The following CNTRL variants were observed in gnomAD, a reference collection of about 807,000 sequenced individuals.
The protein encoded by CNTRL is centriolin, also known as 110 kDa centrosomal protein.
In CNTRL, 233 loss-of-function variants were observed where a neutral mutation model predicts 303.7. That is an observed-to-expected ratio of 0.77 (90% CI 0.69 to 0.86). CNTRL has a LOEUF of 0.86. Ranked by LOEUF, CNTRL falls within the 40% of genes least tolerant of loss-of-function variation. The pLI is 0.00. For synonymous variants in CNTRL, 900 were observed against 922.2 expected, an observed-to-expected ratio of 0.98 and a Z score of 0.44; for missense variants, 2,524 against 2,650.6, an observed-to-expected ratio of 0.95 and a Z score of 1.05.
rs2131694409 is a variant in CNTRL, at chr9:121,158,266, C to G, written c.4764+157C>G. On this transcript the variant is annotated intron_variant, in intron 30 of 43. Transcript: ENST00000373855. ...ATTTGAATCCCAACTCAATACAATA[C>G]TTCTGAATAAAAAAAGTGGGTCTCA... 2.0e-5 allele frequency among the ~76,000 whole-genome samples: 3 copies of G among 152,270 alleles called. No individual in the cohort carries two copies. The South Asian group carries it at 6.2e-4, about 32-fold the overall frequency.
In CNTRL at chr9:121,175,224, G is replaced by A. The variant is rs201359624; in HGVS notation, c.6954G>A (p.Gln2318=). ...AGGACTCTCAACTTGGACAAAATCA[G>A]GTAAGCAGCAGCTCTTTTTAAAAAC... ...LTEDSQLGQN[Q]EKNASAR Residue 2318 remains glutamine, a splice_region_variant and synonymous_variant, in exon 43 of 44, where the codon CAG becomes CAA. Transcript: ENST00000373855. 1 of 1,613,712 alleles carries A rather than the reference G, an allele frequency of 6.2e-7. No individual in the cohort carries two copies.
In CNTRL at chr9:121,144,933, A is replaced by T. The variant is rs2051750296; in HGVS notation, c.3142A>T (p.Asn1048Tyr). ...RAEAEIELLQ[N>Y]LLRQKGEQFR... ...AGAAGCTGAGATCGAACTCCTGCAG[A>T]ATCTCCTCAGGCAGAAGGGGGAGCA... Residue 1048 changes from asparagine (N) to tyrosine (Y), a missense_variant, in exon 21 of 44, where the codon AAT becomes TAT. Transcript: ENST00000373855. 7.4e-6 allele frequency: 12 copies of T among 1,613,550 alleles called. No homozygotes were observed. The highest frequency in any genetic ancestry group is 1.3e-5 in the African/African-American group (1 of 75,018).
chr9:121,119,837 G>A (rs1283110220), intron 12 of CNTRL, among the ~76,000 whole-genome samples: 1 of 152,124 alleles, frequency 6.6e-6, no homozygotes, highest in African/African-American at 2.4e-5. Flanking sequence ...GGGGTTGCGA[G>A]TCCTTTTTCT....
rs774666482 is a variant in CNTRL, at chr9:121,150,274, G to A, written c.3754G>A (p.Asp1252Asn). ...PGYMMYTVLP[D>N]GSPVPQGMAL... ...ATACATGATGTATACTGTGCTTCCT[G>A]ATGGTTCTCCTGTACCCCAGGGCAT... is the stretch of plus-strand genomic sequence containing the variant. Residue 1252 changes from aspartate to asparagine, a missense_variant, in exon 25 of 44, where the codon GAT (aspartate) becomes AAT (asparagine). Asp to Asn is a conservative substitution (Grantham distance 23). Transcript: ENST00000373855. 1.2e-6 allele frequency: 2 copies of A among 1,614,048 alleles called. No homozygotes were observed. Among genetic ancestry groups the A allele is most frequent in the Non-Finnish European group, 1.7e-6 (2 of 1,180,032 alleles).
chr9:121,123,920 TTTTAA>T lies in CNTRL; in HGVS notation c.1651-8_1651-4del. ...AACTTGGAGTTTTGTTGATTTTTTT[TTTTAA>T]TTCAGTCCCATATGAAGGCTCAAAA... On this transcript the variant is annotated splice_polypyrimidine_tract_variant and splice_region_variant and intron_variant, in intron 12 of 43. Transcript: ENST00000373855. 1 of 1,549,078 alleles carries T rather than the reference TTTTAA, an allele frequency of 6.5e-7. No individual in the cohort carries two copies. The highest frequency in any genetic ancestry group is 8.7e-7 in the Non-Finnish European group (1 of 1,153,766).
At position 121,092,593 on chromosome 9, in the gene CNTRL, T is replaced by TATAG. The variant is rs1251909384; in HGVS notation, c.348+2191_348+2192insGATA. Among the ~76,000 whole-genome samples, 5 of 8,698 alleles carry TATAG rather than the reference T, an allele frequency of 5.7e-4. No individual in the cohort carries two copies. In the East Asian group the frequency reaches 0.056, roughly 97 times the overall value. 5.7% of individuals were successfully genotyped at this position (8,698 alleles called of 152,430 possible). On this transcript the variant is annotated intron_variant, in intron 4 of 43. Coordinates refer to ENST00000373855, the MANE Select transcript of CNTRL (RefSeq NM_007018.6). ...TATCTATATATATAATATATATCTATATATATAATATATATCTATATATAT... is the reference window on the plus strand; with the variant it reads ...TATCTATATATATAATATATATCTATATAGATATATAATATATATCTATATATAT...
chr9:121,088,669 CAG>C, intron 3 of CNTRL, 126 bp downstream of exon 3: 1 of 629,914 alleles, frequency 1.6e-6, no homozygotes, highest in African/African-American at 1.8e-5. Flanking sequence ...TTTTTATTAA[CAG>C]AAATTAAGGA....
rs1479677092 is a variant in CNTRL, at chr9:121,154,727, C to G, written c.4179C>G (p.Phe1393Leu). 1 of 1,591,454 alleles carries G rather than the reference C, an allele frequency of 6.3e-7. No homozygotes were observed. Among genetic ancestry groups the G allele is most frequent in the East Asian group, 2.2e-5 (1 of 44,682 alleles). Residue 1393 changes from phenylalanine (F) to leucine (L), a missense_variant, in exon 27 of 44, where the codon TTC becomes TTG. Phe to Leu is a conservative substitution (Grantham distance 22). Transcript: ENST00000373855. ...TGTATATATTATTTTTTAGGGACTT[C>G]ATTGATGGAAATGTTGAGAGTCTTA... ...TVQKRQQQKD[F>L]IDGNVESLMT...
Position 121,076,594 on chromosome 9 carries a change from G to C in CNTRL, c.-205+1527G>C, listed in dbSNP as rs145404715. Among the ~76,000 whole-genome samples, 186 of 152,224 alleles carry C rather than the reference G, an allele frequency of 1.2e-3. 1 individual carries two copies. Among genetic ancestry groups the C allele is most frequent in the Admixed American group, 3.8e-3 (58 of 15,282 alleles). ...GTCTGGATGGATAGAGAAATGTTGA[G>C]TCTGGGCACAGGAAAGAACCATAGA... On this transcript the variant is annotated intron_variant, in intron 1 of 43. Coordinates refer to ENST00000373855, the MANE Select transcript of CNTRL (RefSeq NM_007018.6).
rs553333718 is a variant in CNTRL, at chr9:121,159,014, A to G, written c.4924A>G (p.Ile1642Val). Residue 1642 changes from isoleucine (I) to valine (V), a missense_variant, in exon 31 of 44, where the codon ATT becomes GTT. Coordinates refer to ENST00000373855, the MANE Select transcript of CNTRL (RefSeq NM_007018.6). ...ETEVTEKCNH[I>V]REVKSLLEEL... ...TGAAGTAACTGAGAAGTGCAATCAC[A>G]TTAGGGTGTGTTTTTTATTAGGGTT... The G allele has an allele frequency of 4.3e-6, 7 of 1,613,646 alleles. No homozygotes were observed. The highest frequency in any genetic ancestry group is 2.7e-5 in the African/African-American group (2 of 74,996).
At position 121,114,955 on chromosome 9, in the gene CNTRL, AT is replaced by A. The variant is rs986116088; in HGVS notation, c.1346-129del. On this transcript the variant is annotated intron_variant, in intron 10 of 43. Transcript: ENST00000373855. ...AGCGATCATAAGTAATTACTTTAAA[AT>A]TTTTTTGTGAGATATAATGACAGTT... 27 of 537,842 alleles carry A rather than the reference AT, an allele frequency of 5.0e-5. No individual in the cohort carries two copies. The East Asian group carries it at 6.5e-4, about 13-fold the overall frequency. The allele number at this position is 537,842 out of a possible 1,614,324, so 33.3% of individuals were successfully genotyped here. A position where few individuals can be genotyped will look rare whatever the true frequency, so the allele number is the denominator to read the frequency against.
chr9:121,090,280 G>A lies in CNTRL; in HGVS notation c.223G>A (p.Asp75Asn), dbSNP rs1205716898. 6.3e-7 allele frequency: 1 copy of A among 1,596,954 alleles called. No individual in the cohort carries two copies. The highest frequency in any genetic ancestry group is 1.8e-5 in the Admixed American group (1 of 57,126). ...LLDYQDHKGA[D>N]SHAGVRYITE... ...ATCTGTTTCTATAATTTCAGGAGCT[G>A]ATTCACATGCAGGAGTTAGATATAT... The change falls in exon 4 of 44, where the codon GAT becomes AAT. Residue 75 changes from aspartate (D) to asparagine (N), a missense_variant. Transcript: ENST00000373855.
intron 8 of CNTRL, chr9:121,111,367 A>G (rs1477035611): frequency 6.6e-6 from 1 of 152,168 alleles, no homozygotes; most frequent in African/African-American, 2.4e-5. Flanking sequence ...GCTTAGCACA[A>G]TGTCTGGCAC....
chr9:121,118,500 A>G lies in CNTRL; in HGVS notation c.1610A>G (p.Gln537Arg). The change falls in exon 12 of 44, where the codon CAA becomes CGA. Residue 537 changes from glutamine to arginine, a missense_variant. Gln to Arg is a conservative substitution (Grantham distance 43). Transcript: ENST00000373855. ...AAGCAGAAGGAGATTAAGGACCTGC[A>G]AATAGCCATAGATAGCCTGGATTCC... The part of the protein sequence containing the change: ...AGKQKEIKDL[Q>R]IAIDSLDSKD... 6.2e-7 allele frequency: 1 copy of G among 1,608,600 alleles called. No homozygotes were observed. Among genetic ancestry groups the G allele is most frequent in the Non-Finnish European group, 8.5e-7 (1 of 1,176,654 alleles).
At position 121,152,532 on chromosome 9, in the gene CNTRL, A is replaced by C. The variant is rs780557300; in HGVS notation, c.4011A>C (p.Ser1337=). ...RLEDIMQHLK[S]KKREERWMRA... ...AAGACATAATGCAGCATTTAAAATCAAAGAAGCGGGAAGAAAGGTGGATGA... is the reference window on the plus strand; with the variant it reads ...AAGACATAATGCAGCATTTAAAATCCAAGAAGCGGGAAGAAAGGTGGATGA... The change falls in exon 26 of 44, where the codon TCA becomes TCC. Residue 1337 remains serine, a synonymous_variant. Transcript: ENST00000373855. The C allele has an allele frequency of 6.2e-7, 1 of 1,614,102 alleles. No individual in the cohort carries two copies. Among genetic ancestry groups the C allele is most frequent in the Admixed American group, 1.7e-5 (1 of 60,016 alleles).
chr9:121,090,898 C>T (rs182802450), intron 4 of CNTRL, among the ~76,000 whole-genome samples: 12 of 152,312 alleles, frequency 7.9e-5, no homozygotes, highest in African/African-American at 2.2e-4. Flanking sequence ...TACAGTTTCA[C>T]GTGGCTGGGG....
In CNTRL at chr9:121,161,989, T is replaced by C. The variant is rs2052874740; in HGVS notation, c.5205+18T>C. The C allele has an allele frequency of 6.2e-7, 1 of 1,612,982 alleles. No homozygotes were observed. Among genetic ancestry groups the C allele is most frequent in the African/African-American group, 1.3e-5 (1 of 75,018 alleles). On this transcript the variant is annotated intron_variant, in intron 33 of 43. Transcript: ENST00000373855. ...TGCTAGAGGTAATGAACAAAGCCAG[T>C]GTACCCTTAAGAAACTGAAGTCTTT... is the stretch of plus-strand genomic sequence containing the variant.
At chr9:121,134,289 T>A (rs1564251739) in intron 14 of CNTRL, among the ~76,000 whole-genome samples, 8 of 102,100 alleles carry the variant, frequency 7.8e-5, no homozygotes. Flanking sequence ...CTAATATCAT[T>A]ATTATTTTTT....
rs2048511791 is a variant in CNTRL, at chr9:121,090,346, T to A, written c.289T>A (p.Leu97Met). The A allele has an allele frequency of 6.2e-7, 1 of 1,613,060 alleles. No individual in the cohort carries two copies. The change falls in exon 4 of 44, where the codon TTG becomes ATG. Residue 97 changes from leucine (L) to methionine (M), a missense_variant. Transcript: ENST00000373855. ...LIKKLTKQDNLALIKSLNLSL... is the reference protein window; with the variant it reads ...LIKKLTKQDNMALIKSLNLSL... ...TAAAAAACTTACTAAACAGGATAAT[T>A]TGGCTTTGATAAAATCTCTGAACCT...
Sources: gnomAD v4.1 joint callset for allele counts (sites outside exome capture counted in the v4.1 genomes callset) on GRCh38, gnomAD v4.1.1 for gene constraint, MANE v1.5 for transcripts, NCBI Gene and HGNC (gene_info 2026-07-23, HGNC 2026-07-21) for gene names.